Variants in ITPR1 observed in about 807,000 individuals in gnomAD.
The protein encoded by ITPR1 is inositol 1,4,5-trisphosphate-gated calcium channel ITPR1.
A neutral mutation model predicts 318.4 loss-of-function variants in ITPR1; 96 were observed. That is an observed-to-expected ratio of 0.30 (90% confidence interval 0.26 to 0.36). The LOEUF (loss-of-function observed/expected upper bound fraction) is 0.36. ITPR1 is among the 10% of genes least tolerant of loss of function. The pLI, the probability that ITPR1 is intolerant of heterozygous loss-of-function variation, is 1.00. For missense variants in ITPR1, 2,440 were observed against 3,460.2 expected, an observed-to-expected ratio of 0.71 and a Z score of 7.40; for synonymous variants, 1,312 against 1,289.9, an observed-to-expected ratio of 1.02 and a Z score of -0.37.
intron 4 of ITPR1, among the ~76,000 whole-genome samples, chr3:4,610,516 C>T (rs2092005507): frequency 6.6e-6 from 1 of 152,144 alleles, no homozygotes; most frequent in African/African-American, 2.4e-5. Context: ...TCCAGGCTTT[C>T]TGAATGCCCT....
At chr3:4,626,401 A>G (rs2092829472) in intron 4 of ITPR1, among the ~76,000 whole-genome samples, 1 of 152,174 alleles carries the variant, frequency 6.6e-6, no homozygotes, top group Admixed American at 6.5e-5. Context: ...CATTAAAAAC[A>G]ATATTTTAAG....
chr3:4,704,067 A>T (rs926484100), intron 36 of ITPR1, among the ~76,000 whole-genome samples: 5 of 152,162 alleles, frequency 3.3e-5, no homozygotes, highest in Non-Finnish European at 7.4e-5. Flanking sequence ...GTCCACGTGG[A>T]TGTAAAGATG....
At position 4,627,560 on chromosome 3, in the gene ITPR1, ACTTT is replaced by A. The variant is rs112856231; in HGVS notation, c.164-198_164-195del. Among the ~76,000 whole-genome samples, 2,093 of 152,224 alleles carry A rather than the reference ACTTT, an allele frequency of 0.014. 39 individuals carry two copies. The highest frequency in any genetic ancestry group is 0.048 in the African/African-American group (1,989 of 41,512). Reference sequence around the variant, plus strand: ...AGTGGTTCTGTAGAACAATCGACTCACTTTCTTTAAGCCTTGGTTTCCTCGGCGG... The same window carrying A: ...AGTGGTTCTGTAGAACAATCGACTCACTTTAAGCCTTGGTTTCCTCGGCGG... On this transcript the variant is annotated intron_variant, in intron 4 of 61. Transcript: ENST00000649015.
chr3:4,684,136 T>C, intron 28 of ITPR1, 145 bp from the exon 29 acceptor site: 2 of 653,970 alleles, frequency 3.1e-6, no homozygotes, highest in Non-Finnish European at 5.5e-6. Flanking sequence ...AGCAAGTAGG[T>C]AGATGACTGG....
intron 24 of ITPR1, among the ~76,000 whole-genome samples, chr3:4,679,408 C>T (rs1464315904): frequency 6.6e-6 from 1 of 152,184 alleles, no homozygotes. Context: ...AGCCTGAGTC[C>T]CAAGGCTGAG....
intron 40 of ITPR1, among the ~76,000 whole-genome samples, chr3:4,721,071 C>G (rs1376531853): frequency 6.6e-6 from 1 of 150,552 alleles, no homozygotes; most frequent in Non-Finnish European, 1.5e-5. Context: ...AAACTCAACT[C>G]AGAACATACA....
chr3:4,777,311 C>T lies in ITPR1; in HGVS notation c.6228C>T (p.Ala2076=). ...CCAATGGCATTGACATCATCACAGC[C>T]CTGATCCTCAATGATATCAATCCTT... is the stretch of plus-strand genomic sequence containing the variant. The part of the protein sequence containing the change: ...HESNGIDIIT[A]LILNDINPLG... The change falls in exon 48 of 62, where the codon GCC becomes GCT. Residue 2076 remains alanine, a synonymous_variant. Coordinates refer to ENST00000649015, the MANE Select transcript of ITPR1 (RefSeq NM_001378452.1). 2 of 1,608,106 alleles carry T rather than the reference C, an allele frequency of 1.2e-6. No individual in the cohort carries two copies. The highest frequency in any genetic ancestry group is 1.7e-6 in the Non-Finnish European group (2 of 1,177,270).
At chr3:4,599,800 C>T (rs900645346) in intron 4 of ITPR1, among the ~76,000 whole-genome samples, 1 of 152,212 alleles carries the variant, frequency 6.6e-6, no homozygotes, top group East Asian at 1.9e-4. Flanking sequence ...GTGTGATATA[C>T]TCTCCACTGG....
chr3:4,507,092 A>T (rs2081445850), intron 2 of ITPR1, among the ~76,000 whole-genome samples: 1 of 151,628 alleles, frequency 6.6e-6, no homozygotes, highest in Admixed American at 6.6e-5. Flanking sequence ...TTTTGAGAAG[A>T]GTAGCAATTT....
chr3:4,682,698 A>G (rs557071017), intron 26 of ITPR1, among the ~76,000 whole-genome samples: 1 of 152,238 alleles, frequency 6.6e-6, no homozygotes, highest in Admixed American at 6.5e-5. Context: ...TGAAACCTTC[A>G]CACCTTTTTG....
At chr3:4,783,370 A>G (rs1190661698) in intron 50 of ITPR1, among the ~76,000 whole-genome samples, 1 of 152,032 alleles carries the variant, frequency 6.6e-6, no homozygotes, top group Non-Finnish European at 1.5e-5. Context: ...AAACTCAGGT[A>G]CGGGAACCAG....
chr3:4,568,028 T>C (rs2087552376), intron 4 of ITPR1, among the ~76,000 whole-genome samples: 1 of 152,146 alleles, frequency 6.6e-6, no homozygotes, highest in Non-Finnish European at 1.5e-5. Flanking sequence ...GTCACTGATT[T>C]GAAATCTATG....
At chr3:4,516,723 C>G in intron 3 of ITPR1, 140 bp downstream of exon 3, 1 of 661,330 alleles carries the variant, frequency 1.5e-6, no homozygotes. Flanking sequence ...AACACCAAAT[C>G]TCATGTTAGC....
intron 18 of ITPR1, among the ~76,000 whole-genome samples, 171 bp downstream of exon 18, chr3:4,667,720 C>G (rs1200452308): frequency 2.0e-5 from 3 of 152,070 alleles, no homozygotes; most frequent in African/African-American, 7.2e-5. Context: ...TAAAATGAGA[C>G]CTGGGGGTGC....
At chr3:4,806,661 T>C (rs1400018654) in intron 55 of ITPR1, among the ~76,000 whole-genome samples, 2 of 152,200 alleles carry the variant, frequency 1.3e-5, no homozygotes, top group Non-Finnish European at 2.9e-5. Flanking sequence ...GTCCATTTCT[T>C]GTGAACACGT....
intron 13 of ITPR1, among the ~76,000 whole-genome samples, chr3:4,659,368 T>C (rs1186311903): frequency 6.6e-6 from 1 of 152,252 alleles, no homozygotes; most frequent in East Asian, 1.9e-4. Flanking sequence ...TGAATATCAG[T>C]TGTCATTGTC....
At chr3:4,831,033 A>AAAT in intron 60 of ITPR1, 1 of 456,416 alleles carries the variant, frequency 2.2e-6, no homozygotes, top group African/African-American at 2.0e-5. Context: ...GAAGAAAAAA[A>AAAT]AATACCCCAC....
chr3:4,498,920 A>G (rs2080810990), intron 2 of ITPR1, among the ~76,000 whole-genome samples: 1 of 152,236 alleles, frequency 6.6e-6, no homozygotes, highest in Non-Finnish European at 1.5e-5. Flanking sequence ...GCTTCACATC[A>G]GTGATTCTCC....
intron 16 of ITPR1, among the ~76,000 whole-genome samples, chr3:4,664,140 T>G (rs191301157): frequency 2.1e-3 from 313 of 152,356 alleles, no homozygotes; most frequent in African/African-American, 7.2e-3. Context: ...ATTTGGGAGA[T>G]TTGGCATATT....
Sources: allele counts gnomAD v4.1 joint callset (sites outside exome capture counted in the v4.1 genomes callset), GRCh38; gene constraint gnomAD v4.1.1; transcripts MANE v1.5; gene names NCBI Gene and HGNC (gene_info 2026-07-23, HGNC 2026-07-21).